The following ZBTB44 variants were observed in gnomAD, a reference collection of about 807,000 sequenced individuals.
ZBTB44 encodes zinc finger and BTB domain containing 44.
In ZBTB44, 15 loss-of-function variants were observed where a neutral mutation model predicts 54.0. The ratio of observed to expected loss-of-function variants is 0.28; its 90% CI spans 0.19 to 0.43. ZBTB44 has a LOEUF of 0.43. ZBTB44 is among the 20% of genes least tolerant of loss of function. ZBTB44 has a pLI of 1.00. For synonymous variants in ZBTB44, 230 were observed against 250.1 expected, an observed-to-expected ratio of 0.92 and a Z score of 0.76; for missense variants, 487 against 707.1, an observed-to-expected ratio of 0.69 and a Z score of 3.53.
intron 1 of ZBTB44, among the ~76,000 whole-genome samples, chr11:130,291,935 C>G (rs1941321658): frequency 6.6e-6 from 1 of 152,194 alleles, no homozygotes; most frequent in Non-Finnish European, 1.5e-5. Flanking sequence ...TGCAGTCTCA[C>G]CTTCCTGTCC....
At chr11:130,260,371 G>A (rs978779386) in intron 2 of ZBTB44, among the ~76,000 whole-genome samples, 3 of 152,218 alleles carry the variant, frequency 2.0e-5, no homozygotes, top group Non-Finnish European at 4.4e-5. Context: ...AACATATAGT[G>A]TAACTTGCTC....
chr11:130,238,408 C>T (rs766639979), intron 4 of ZBTB44, 36 bp downstream of exon 4: 41 of 1,555,832 alleles, frequency 2.6e-5, no homozygotes, highest in Non-Finnish European at 3.0e-5. Context: ...TGTTTTAGAG[C>T]GTTCACTTAC....
At chr11:130,308,687 C>T (rs529963646) in intron 1 of ZBTB44, among the ~76,000 whole-genome samples, 25 of 152,224 alleles carry the variant, frequency 1.6e-4, no homozygotes, top group Non-Finnish European at 3.4e-4. Flanking sequence ...GCTACACATA[C>T]CCATGCAACT....
intron 2 of ZBTB44, among the ~76,000 whole-genome samples, chr11:130,253,093 C>A (rs1031789393): frequency 1.4e-4 from 22 of 152,122 alleles, no homozygotes; most frequent in African/African-American, 5.3e-4. Context: ...TATGACAAAT[C>A]CACAGCCAAT....
intron 1 of ZBTB44, among the ~76,000 whole-genome samples, chr11:130,302,286 G>GCTA (rs1438690075): frequency 1.3e-5 from 2 of 152,130 alleles, no homozygotes; most frequent in African/African-American, 4.8e-5. Flanking sequence ...GTTGAACCCA[G>GCTA]CTAGCATGCT....
At chr11:130,266,741 A>G (rs1375332457) in intron 1 of ZBTB44, among the ~76,000 whole-genome samples, 1 of 152,238 alleles carries the variant, frequency 6.6e-6, no homozygotes, top group Non-Finnish European at 1.5e-5. Context: ...CTAGAATTCA[A>G]AATGGAGTCT....
chr11:130,297,640 G>A (rs561576047), intron 1 of ZBTB44, among the ~76,000 whole-genome samples: 171 of 152,310 alleles, frequency 1.1e-3, no homozygotes, highest in Non-Finnish European at 1.8e-3. Flanking sequence ...TAGGGAGGAT[G>A]CCCCATGAAG....
chr11:130,306,085 T>C lies in ZBTB44; in HGVS notation c.-57+8290A>G, dbSNP rs1010723013. Among the ~76,000 whole-genome samples, 5 of 152,308 alleles carry C rather than the reference T, an allele frequency of 3.3e-5. No individual in the cohort carries two copies. In the East Asian group the frequency reaches 9.6e-4, roughly 29 times the overall value. ...TACCTTACTCCTGTAAGAATGGCTA[T>C]AATTTAAAAATTAAAAATAATAAAT... is the stretch of plus-strand genomic sequence containing the variant. On this transcript the variant is annotated intron_variant, in intron 1 of 7. Coordinates refer to ENST00000357899, the MANE Select transcript of ZBTB44 (RefSeq NM_001301098.2).
intron 1 of ZBTB44, chr11:130,285,450 A>C: frequency 6.6e-6 from 1 of 152,640 alleles, no homozygotes; most frequent in Non-Finnish European, 1.5e-5. Flanking sequence ...CACCACCATG[A>C]CTGGCTAATT....
intron 2 of ZBTB44, among the ~76,000 whole-genome samples, chr11:130,246,671 C>T (rs1954661372): frequency 6.6e-6 from 1 of 152,164 alleles, no homozygotes; most frequent in South Asian, 2.1e-4. Flanking sequence ...GAGTATTTAC[C>T]ATGTGCCAGG....
intron 1 of ZBTB44, among the ~76,000 whole-genome samples, chr11:130,298,936 A>G (rs1941836673): frequency 6.6e-6 from 1 of 152,166 alleles, no homozygotes; most frequent in Non-Finnish European, 1.5e-5. Context: ...TACAAAAATT[A>G]GCCACACATA....
At chr11:130,293,594 A>G (rs944269410) in intron 1 of ZBTB44, among the ~76,000 whole-genome samples, 17 of 151,184 alleles carry the variant, frequency 1.1e-4, no homozygotes, top group Admixed American at 1.1e-3. Context: ...AGCCTGGCCA[A>G]CATGATGAAA....
chr11:130,238,511 C>T lies in ZBTB44; in HGVS notation c.1200G>A (p.Gln400=), dbSNP rs1244483964. The T allele has an allele frequency of 6.8e-6, 11 of 1,611,094 alleles. No homozygotes were observed. In the East Asian group the frequency reaches 2.2e-4, roughly 33 times the overall value. Residue 400 remains glutamine (Q), a synonymous_variant, in exon 4 of 8, where the codon CAG becomes CAA. Coordinates refer to ENST00000357899, the MANE Select transcript of ZBTB44 (RefSeq NM_001301098.2). ...TGAATCGCACCCCGCAGGTTGGACACTGAAAAGGTCTGTCGGGACCATTTG... is the reference window on the plus strand; with the variant it reads ...TGAATCGCACCCCGCAGGTTGGACATTGAAAAGGTCTGTCGGGACCATTTG... ...PSPNGPDRPF[Q]CPTCGVRFTR...
chr11:130,312,339 T>C (rs986616295), intron 1 of ZBTB44, among the ~76,000 whole-genome samples: 3 of 152,210 alleles, frequency 2.0e-5, no homozygotes, highest in Non-Finnish European at 2.9e-5. Context: ...GTCAGCACTT[T>C]AATCAAATGG....
At position 130,230,135 on chromosome 11, in the gene ZBTB44, A is replaced by C. The variant is rs1251397314; in HGVS notation, c.*1629T>G. 1.3e-5 allele frequency: 2 copies of C among 152,094 alleles called. No homozygotes were observed. The highest frequency in any genetic ancestry group is 4.8e-5 in the African/African-American group (2 of 41,452). The allele number at this position is 152,094 out of a possible 1,614,324, so 9.4% of individuals were successfully genotyped here. On this transcript the variant is annotated 3_prime_UTR_variant, in exon 8 of 8. Transcript: ENST00000357899. Reference sequence around the variant, plus strand: ...AGTAATGTATTTTTCAAGGACTATTAAAGCTAAAAGGGACTAAAACATAAT... The same window carrying C: ...AGTAATGTATTTTTCAAGGACTATTCAAGCTAAAAGGGACTAAAACATAAT...
At chr11:130,314,030 G>A (rs1421705155) in intron 1 of ZBTB44, among the ~76,000 whole-genome samples, 1 of 151,220 alleles carries the variant, frequency 6.6e-6, no homozygotes, top group East Asian at 1.9e-4. Context: ...GGGAAAGGAG[G>A]AAAAAAAACA....
chr11:130,263,796 T>C (rs1939052043), intron 1 of ZBTB44, among the ~76,000 whole-genome samples: 1 of 152,184 alleles, frequency 6.6e-6, no homozygotes, highest in Non-Finnish European at 1.5e-5. Flanking sequence ...AGTAATCAGT[T>C]TGTTGTGAGT....
At chr11:130,244,391 G>A (rs1954538293) in intron 2 of ZBTB44, among the ~76,000 whole-genome samples, 2 of 152,058 alleles carry the variant, frequency 1.3e-5, no homozygotes, top group Admixed American at 1.3e-4. Context: ...AATGTGGCCG[G>A]GTGCAGTGGC....
chr11:130,253,295 A>G (rs1410801622), intron 2 of ZBTB44, among the ~76,000 whole-genome samples: 1 of 152,242 alleles, frequency 6.6e-6, no homozygotes, highest in East Asian at 1.9e-4. Flanking sequence ...TTTGCAGATG[A>G]CATGATTGTA....
Sources: gnomAD v4.1 joint callset for allele counts (sites outside exome capture counted in the v4.1 genomes callset) on GRCh38, gnomAD v4.1.1 for gene constraint, MANE v1.5 for transcripts, NCBI Gene and HGNC (gene_info 2026-07-23, HGNC 2026-07-21) for gene names.